SOX5: variants seen among roughly 807,000 people sequenced by gnomAD.
SOX5 encodes transcription factor SOX-5.
Under a neutral mutation model 92.0 loss-of-function variants are expected in SOX5, and 9 were observed. The observed-to-expected ratio is 0.10, with a 90% CI of 0.06 to 0.17. The LOEUF (loss-of-function observed/expected upper bound fraction) is 0.17. Ranked by LOEUF, SOX5 falls within the 10% of genes least tolerant of loss-of-function variation. The pLI is 1.00. For missense variants in SOX5, 642 were observed against 944.5 expected (o/e 0.68, Z 4.20); for synonymous variants, 344 against 336.3 (o/e 1.02, Z -0.25).
chr12:23,975,647 T>C (rs1415361842), intron 4 of SOX5, among the ~76,000 whole-genome samples: 1 of 152,186 alleles, frequency 6.6e-6, no homozygotes, highest in African/African-American at 2.4e-5. Flanking sequence ...TGCCACTCAT[T>C]AGCCACCTTC....
intron 8 of SOX5, among the ~76,000 whole-genome samples, chr12:23,618,381 CT>C (rs1301854545): frequency 6.6e-6 from 1 of 152,100 alleles, no homozygotes; most frequent in Non-Finnish European, 1.5e-5. Flanking sequence ...TGTGAAATCA[CT>C]GTTCAGTGTA....
At chr12:24,528,777 AAT>A (rs1447622755) in intron 1 of SOX5, among the ~76,000 whole-genome samples, 2 of 152,200 alleles carry the variant, frequency 1.3e-5, no homozygotes, top group Admixed American at 6.5e-5. Flanking sequence ...TAGGCTATGG[AAT>A]AGTGTCCCAG....
chr12:23,583,442 C>T lies in SOX5; in HGVS notation c.1165-7604G>A, dbSNP rs556494172. ...AAAGAGGAAGAATGCGAGGAATACT[C>T]GTGTCAACAATAATGTGTGATGAGA... On this transcript the variant is annotated intron_variant, in intron 9 of 14. Coordinates refer to ENST00000451604, the MANE Select transcript of SOX5 (RefSeq NM_006940.6). 7.9e-5 allele frequency among the ~76,000 whole-genome samples: 12 copies of T among 152,172 alleles called. No individual in the cohort carries two copies. The South Asian group carries it at 1.9e-3, about 24-fold the overall frequency.
chr12:23,701,252 T>C (rs926943468), intron 6 of SOX5, among the ~76,000 whole-genome samples: 1 of 152,078 alleles, frequency 6.6e-6, no homozygotes, highest in Non-Finnish European at 1.5e-5. Flanking sequence ...CCAATATCTA[T>C]GGCACAGCAA....
chr12:24,022,248 T>C (rs889305490), intron 4 of SOX5, among the ~76,000 whole-genome samples: 5 of 152,106 alleles, frequency 3.3e-5, no homozygotes, highest in African/African-American at 7.2e-5. Context: ...TTCTCAGATA[T>C]AAAGTAAGAA....
At chr12:23,550,211 C>G (rs762497651) in intron 11 of SOX5, among the ~76,000 whole-genome samples, 9 of 151,866 alleles carry the variant, frequency 5.9e-5, no homozygotes, top group Non-Finnish European at 1.0e-4. Context: ...AAAAACCATT[C>G]TGAATGGCGA....
chr12:24,372,354 A>G (rs1956824418), intron 1 of SOX5, among the ~76,000 whole-genome samples: 1 of 151,730 alleles, frequency 6.6e-6, no homozygotes, highest in Admixed American at 6.6e-5. Context: ...TCACTGTTCA[A>G]CTCCCACTTG....
chr12:23,979,830 G>A (rs1377360810), intron 4 of SOX5, among the ~76,000 whole-genome samples: 2 of 142,772 alleles, frequency 1.4e-5, no homozygotes, highest in Admixed American at 7.4e-5. Context: ...CAATCCTCCT[G>A]CCTCAGCCTT....
intron 4 of SOX5, among the ~76,000 whole-genome samples, chr12:24,173,859 G>A (rs542814563): frequency 6.6e-4 from 100 of 152,234 alleles, no homozygotes; most frequent in African/African-American, 2.2e-3. Flanking sequence ...ACTACCAGCC[G>A]TGGAAAATGA....
intron 1 of SOX5, among the ~76,000 whole-genome samples, chr12:24,401,300 C>T (rs1351209428): frequency 6.7e-6 from 1 of 148,520 alleles, no homozygotes; most frequent in African/African-American, 2.5e-5. Flanking sequence ...TGCAGTGAGC[C>T]GAGATCGTGC....
At chr12:23,922,241 A>AAAAG (rs891725371) in intron 1 of SOX5, among the ~76,000 whole-genome samples, 30 of 152,210 alleles carry the variant, frequency 2.0e-4, no homozygotes, top group East Asian at 5.8e-4. Flanking sequence ...AGTCTTGATA[A>AAAAG]AAAGAAAGAA....
intron 1 of SOX5, among the ~76,000 whole-genome samples, chr12:24,460,155 G>T (rs1943464135): frequency 6.6e-6 from 1 of 152,194 alleles, no homozygotes; most frequent in Non-Finnish European, 1.5e-5. Flanking sequence ...AACAGTGCTG[G>T]TGGCAGCAAC....
intron 1 of SOX5, among the ~76,000 whole-genome samples, chr12:24,521,049 T>C (rs778848627): frequency 6.6e-6 from 1 of 151,852 alleles, no homozygotes; most frequent in Non-Finnish European, 1.5e-5. Flanking sequence ...AATAAAACAA[T>C]AGTAGAATTT....
intron 1 of SOX5, among the ~76,000 whole-genome samples, chr12:24,476,255 G>T (rs929434398): frequency 6.6e-6 from 1 of 152,148 alleles, no homozygotes; most frequent in African/African-American, 2.4e-5. Context: ...TCAGGGCTTG[G>T]ATTTTGTATA....
At chr12:24,359,023 C>A (rs1955199022) in intron 2 of SOX5, among the ~76,000 whole-genome samples, 1 of 152,114 alleles carries the variant, frequency 6.6e-6, no homozygotes, top group African/African-American at 2.4e-5. Context: ...TTGAGGAATC[C>A]AAGTCCACCA....
At chr12:23,794,283 A>G (rs1230176439) in intron 3 of SOX5, among the ~76,000 whole-genome samples, 1 of 152,082 alleles carries the variant, frequency 6.6e-6, no homozygotes, top group Non-Finnish European at 1.5e-5. Context: ...AAACGTTTAT[A>G]TAGGTTCACT....
At chr12:23,898,337 A>G (rs560130479) in intron 1 of SOX5, among the ~76,000 whole-genome samples, 53 of 152,268 alleles carry the variant, frequency 3.5e-4, no homozygotes, top group African/African-American at 1.2e-3. Flanking sequence ...ATACACTGGT[A>G]TTCTGGTGTC....
intron 1 of SOX5, among the ~76,000 whole-genome samples, chr12:24,499,724 AGTC>A (rs1948004357): frequency 6.6e-6 from 1 of 151,794 alleles, no homozygotes; most frequent in Non-Finnish European, 1.5e-5. Context: ...AACACTTTAA[AGTC>A]ACTCTGATAA....
chr12:24,506,842 G>C (rs1322042207), intron 1 of SOX5, among the ~76,000 whole-genome samples: 6 of 133,594 alleles, frequency 4.5e-5, no homozygotes, highest in Admixed American at 8.7e-5. Flanking sequence ...CCAGGCTGGA[G>C]TGCAGTGGCG....
Sources: gnomAD v4.1 joint callset for allele counts (sites outside exome capture counted in the v4.1 genomes callset) on GRCh38, gnomAD v4.1.1 for gene constraint, MANE v1.5 for transcripts, NCBI Gene and HGNC (gene_info 2026-07-23, HGNC 2026-07-21) for gene names.